The following TPO variants were observed in gnomAD, a reference collection of about 807,000 sequenced individuals.
The protein encoded by TPO is thyroid microsomal antigen.
A neutral mutation model predicts 96.9 loss-of-function variants in TPO; 78 were observed. The observed-to-expected ratio is 0.81, with a 90% CI of 0.67 to 0.97. The LOEUF is 0.97. Ranked by LOEUF, TPO falls within the 50% of genes least tolerant of loss-of-function variation. The pLI, the probability that TPO is intolerant of heterozygous loss-of-function variation, is 0.00. For synonymous variants in TPO, 547 were observed against 538.0 expected (o/e 1.02, Z -0.23); for missense variants, 1,252 against 1,274.8 (o/e 0.98, Z 0.27).
intron 14 of TPO, among the ~76,000 whole-genome samples, chr2:1,504,310 G>A (rs958511936): frequency 6.6e-6 from 1 of 152,150 alleles, no homozygotes; most frequent in Non-Finnish European, 1.5e-5. Flanking sequence ...TGAGGCTGGG[G>A]ACGGCAGCCA....
chr2:1,496,117 G>T lies in TPO; in HGVS notation c.2135G>T (p.Gly712Val), dbSNP rs865829030. ...GTGCCCATGGATGCCTTCCAAGTCG[G>T]CAAATTCCCCGAAGACTTTGAGTCT... ...TRVPMDAFQV[G>V]KFPEDFESCD... The change falls in exon 12 of 17, where the codon GGC (glycine) becomes GTC (valine). Residue 712 changes from glycine (G) to valine (V), a missense_variant. By Grantham distance (109) the Gly-to-Val change is moderately radical. Transcript: ENST00000329066. 6.2e-7 allele frequency: 1 copy of T among 1,613,910 alleles called. No individual in the cohort carries two copies. The highest frequency in any genetic ancestry group is 8.5e-7 in the Non-Finnish European group (1 of 1,179,986).
intron 15 of TPO, among the ~76,000 whole-genome samples, chr2:1,518,873 C>T (rs1353756966): frequency 6.6e-6 from 1 of 152,196 alleles, no homozygotes; most frequent in Non-Finnish European, 1.5e-5. Flanking sequence ...CCTTTAGGAC[C>T]TCAGAACGTA....
intron 14 of TPO, among the ~76,000 whole-genome samples, chr2:1,511,701 C>T (rs1674150978): frequency 6.6e-6 from 1 of 152,210 alleles, no homozygotes; most frequent in Non-Finnish European, 1.5e-5. Flanking sequence ...GCCTCATCTC[C>T]TCATCTCATA....
At chr2:1,426,746 G>A (rs1341666266) in intron 3 of TPO, among the ~76,000 whole-genome samples, 1 of 152,192 alleles carries the variant, frequency 6.6e-6, no homozygotes, top group African/African-American at 2.4e-5. Flanking sequence ...GAAACATGAT[G>A]GTTTGTTGGT....
At chr2:1,490,530 C>T (rs1671680028) in intron 10 of TPO, among the ~76,000 whole-genome samples, 3 of 152,222 alleles carry the variant, frequency 2.0e-5, no homozygotes, top group African/African-American at 4.8e-5. Flanking sequence ...TGGGTCCCTG[C>T]GGCCTGCAGT....
At chr2:1,529,030 CTG>C (rs1460596045) in intron 15 of TPO, among the ~76,000 whole-genome samples, 1 of 129,758 alleles carries the variant, frequency 7.7e-6, no homozygotes. Flanking sequence ...AATCCCAACT[CTG>C]TGCAACCTCC....
At chr2:1,389,444 C>G (rs1345840471) in intron 1 of TPO, among the ~76,000 whole-genome samples, 2 of 152,190 alleles carry the variant, frequency 1.3e-5, no homozygotes, top group Non-Finnish European at 2.9e-5. Flanking sequence ...CTCAGTTTCA[C>G]TTACTCATCC....
At chr2:1,405,193 C>G (rs915446085) in intron 1 of TPO, among the ~76,000 whole-genome samples, 3 of 151,756 alleles carry the variant, frequency 2.0e-5, no homozygotes, top group African/African-American at 7.3e-5. Flanking sequence ...ATTCATCCAT[C>G]CATTCATCCA....
chr2:1,530,488 C>T (rs1677841894), intron 15 of TPO, among the ~76,000 whole-genome samples: 1 of 144,002 alleles, frequency 6.9e-6, no homozygotes. Flanking sequence ...CTCAAATCCC[C>T]CTCACTCTGT....
chr2:1,483,334 G>T (rs995673555), intron 8 of TPO, among the ~76,000 whole-genome samples: 5 of 152,228 alleles, frequency 3.3e-5, no homozygotes, highest in African/African-American at 1.2e-4. Context: ...GCAAGAAGGG[G>T]AAGAGGTGTC....
intron 3 of TPO, among the ~76,000 whole-genome samples, chr2:1,425,080 T>C (rs1406316909): frequency 6.8e-6 from 1 of 147,098 alleles, no homozygotes; most frequent in Non-Finnish European, 1.5e-5. Flanking sequence ...AGAGATGAGT[T>C]TGATTATTTC....
At chr2:1,504,406 A>G (rs1353191419) in intron 14 of TPO, among the ~76,000 whole-genome samples, 1 of 152,180 alleles carries the variant, frequency 6.6e-6, no homozygotes, top group African/African-American at 2.4e-5. Flanking sequence ...GGCAGGATTC[A>G]TTACAGACCC....
chr2:1,467,924 T>G, intron 7 of TPO, among the ~76,000 whole-genome samples: 1 of 77,192 alleles, frequency 1.3e-5, no homozygotes, highest in Non-Finnish European at 3.1e-5. Flanking sequence ...GGACAAGGCC[T>G]TTTATCATTA....
intron 9 of TPO, 82 bp from the exon 10 acceptor site, chr2:1,487,738 CA>C (rs72230434): frequency 0.16 from 200,935 of 1,221,660 alleles, 1,648 homozygotes; most frequent in South Asian, 0.24. Flanking sequence ...GACTCCGTCT[CA>C]AAAAAAAAAA....
Position 1,433,755 on chromosome 2 carries a change from A to G in TPO, c.349+148A>G, listed in dbSNP as rs1665269753. On this transcript the variant is annotated intron_variant, in intron 4 of 16. Coordinates refer to ENST00000329066, the MANE Select transcript of TPO (RefSeq NM_001206744.2). ...AGCTCTTTCAAAGCATACAAGCTGC[A>G]ATTTTTAAAAATGCTTACCAAACAG... The G allele has an allele frequency of 1.7e-5, 15 of 877,632 alleles. No homozygotes were observed. The East Asian group carries it at 4.0e-4, about 23-fold the overall frequency. The allele number at this position is 877,632 out of a possible 1,614,324, so 54.4% of individuals were successfully genotyped here.
chr2:1,469,691 CA>C (rs1669209141), intron 7 of TPO, among the ~76,000 whole-genome samples: 1 of 152,190 alleles, frequency 6.6e-6, no homozygotes. Flanking sequence ...TAAATGGACT[CA>C]GCTCCGGGTA....
In TPO at chr2:1,512,305, G is replaced by A. The variant is rs144056129; in HGVS notation, c.2519-4578G>A. On this transcript the variant is annotated intron_variant, in intron 14 of 16. Coordinates refer to ENST00000329066, the MANE Select transcript of TPO (RefSeq NM_001206744.2). Reference sequence around the variant, plus strand: ...TTCTATAAACGCTGAAGCCAAATGTGTCTCTAGAGTTGAGACGTTCCCTCC... The same window carrying A: ...TTCTATAAACGCTGAAGCCAAATGTATCTCTAGAGTTGAGACGTTCCCTCC... The A allele has an allele frequency of 4.4e-4, 310 of 707,966 alleles. 8 individuals are homozygous for A. The East Asian group carries it at 0.035, about 80-fold the overall frequency. 43.9% of individuals were successfully genotyped at this position (707,966 alleles called of 1,614,324 possible).
At chr2:1,538,638 TGC>T (rs1426018033) in intron 15 of TPO, among the ~76,000 whole-genome samples, 1 of 152,214 alleles carries the variant, frequency 6.6e-6, no homozygotes, top group Non-Finnish European at 1.5e-5. Context: ...TTCCAAGACA[TGC>T]TCTGTTAAGA....
chr2:1,515,280 AT>A (rs1674569875), intron 14 of TPO, among the ~76,000 whole-genome samples: 1 of 152,172 alleles, frequency 6.6e-6, no homozygotes, highest in Admixed American at 6.5e-5. Flanking sequence ...CTCTTTCTGG[AT>A]GCAGGAGGAG....
Sources: allele counts gnomAD v4.1 joint callset (sites outside exome capture counted in the v4.1 genomes callset), GRCh38; gene constraint gnomAD v4.1.1; transcripts MANE v1.5; gene names NCBI Gene and HGNC (gene_info 2026-07-23, HGNC 2026-07-21).